Variants in JPH4 observed in about 807,000 individuals in gnomAD.
JPH4 encodes junctophilin 4.
In JPH4, 18 loss-of-function variants were observed where a neutral mutation model predicts 57.6. The observed-to-expected ratio is 0.31, with a 90% CI of 0.22 to 0.46. JPH4 has a LOEUF of 0.46. Ranked by LOEUF, JPH4 falls within the 20% of genes least tolerant of loss-of-function variation. The pLI is 1.00. For missense variants in JPH4, 727 were observed against 911.1 expected (o/e 0.80, Z 2.60); for synonymous variants, 425 against 406.6 (o/e 1.05, Z -0.54).
At position 23,569,805 on chromosome 14, in the gene JPH4, T is replaced by C. The variant is rs1889049987; in HGVS notation, c.1804-88A>G. 2 of 800,504 alleles carry C rather than the reference T, an allele frequency of 2.5e-6. No individual in the cohort carries two copies. Among genetic ancestry groups the C allele is most frequent in the South Asian group, 3.5e-5 (2 of 56,946 alleles). 49.6% of individuals were successfully genotyped at this position (800,504 alleles called of 1,614,324 possible). ...ACTGAGGTGGCAGAGCTGAAGGGTC[T>C]CAGGCACCTCCCTGCACAGCCTGGA... On this transcript the variant is annotated intron_variant, in intron 5 of 5. Transcript: ENST00000356300. The surrounding 1 kb of genome is among the most constrained non-coding windows in gnomAD (Gnocchi z 4.8).
Position 23,577,449 on chromosome 14 carries a change from G to T in JPH4, c.5C>A (p.Ser2Tyr). M[S>Y]PGGKFDFDDG... Reference sequence around the variant, plus strand: ...GTCAAAGTCGAACTTGCCCCCGGGGGACATGCATGTAGTTGGCGCGGCCTC... The same window carrying T: ...GTCAAAGTCGAACTTGCCCCCGGGGTACATGCATGTAGTTGGCGCGGCCTC... The change falls in exon 2 of 6, where the codon TCC (serine) becomes TAC (tyrosine). Residue 2 changes from serine to tyrosine, a missense_variant. Ser to Tyr is a moderately radical substitution (Grantham distance 144). Around this residue, in one of 7 missense-constraint regions of JPH4, gnomAD observed 83 missense variants for 135.4 expected, o/e 0.61. Transcript: ENST00000356300. The surrounding 1 kb of genome is among the most constrained non-coding windows in gnomAD (Gnocchi z 8.4). 1.4e-6 allele frequency: 2 copies of T among 1,429,692 alleles called. No homozygotes were observed. The highest frequency in any genetic ancestry group is 2.8e-5 in the East Asian group (1 of 36,276). The allele number at this position is 1,429,692 out of a possible 1,614,324, so 88.6% of individuals were successfully genotyped here. A position where few individuals can be genotyped will look rare whatever the true frequency, so the allele number is the denominator to read the frequency against.
intron 1 of JPH4, 107 bp downstream of exon 1, chr14:23,578,073 G>T (rs1889320401): frequency 1.9e-5 from 2 of 105,910 alleles, no homozygotes; most frequent in African/African-American, 3.6e-5. Context: ...TTTTCGGGGG[G>T]TTTTTCGGGG....
rs773808031 is a variant in JPH4, at chr14:23,571,963, T to C, written c.1152-43A>G. 6.4e-7 allele frequency: 1 copy of C among 1,561,618 alleles called. No homozygotes were observed. Among genetic ancestry groups the C allele is most frequent in the Non-Finnish European group, 8.8e-7 (1 of 1,140,584 alleles). The stretch of plus-strand genomic sequence containing the variant: ...AGGGATTTAGCAGAACTTCCCCCAC[T>C]TCAAGTTAGTCCCTGCTCAGATGCT... On this transcript the variant is annotated intron_variant, in intron 3 of 5. Transcript: ENST00000356300. The surrounding 1 kb of genome is among the most constrained non-coding windows in gnomAD (Gnocchi z 4.6).
chr14:23,570,515 G>T (rs1889099220), intron 5 of JPH4, among the ~76,000 whole-genome samples: 1 of 151,988 alleles, frequency 6.6e-6, no homozygotes, highest in Non-Finnish European at 1.5e-5. Flanking sequence ...GGGACTACAG[G>T]CGCCCGCCAC....
In JPH4 at chr14:23,575,514, C is replaced by G. The variant is rs2139471842; in HGVS notation, c.1151+171G>C. On this transcript the variant is annotated intron_variant, in intron 3 of 5. Coordinates refer to ENST00000356300, the MANE Select transcript of JPH4 (RefSeq NM_001146028.2). This position sits in a 1 kb window ranked among gnomAD's most constrained non-coding sequence, Gnocchi z 6.9. Reference sequence around the variant, plus strand: ...GAGTTACACCCACATCCACCTGTAGCCTCGGATATAAACACCAAGAATGCC... The same window carrying G: ...GAGTTACACCCACATCCACCTGTAGGCTCGGATATAAACACCAAGAATGCC... 1 of 766,652 alleles carries G rather than the reference C, an allele frequency of 1.3e-6. No individual in the cohort carries two copies. The highest frequency in any genetic ancestry group is 2.7e-5 in the East Asian group (1 of 36,900). The allele number at this position is 766,652 out of a possible 1,614,324, so 47.5% of individuals were successfully genotyped here.
chr14:23,570,472 C>T (rs569660092), intron 5 of JPH4, among the ~76,000 whole-genome samples: 71 of 150,984 alleles, frequency 4.7e-4, no homozygotes, highest in African/African-American at 1.6e-3. Context: ...CCCGGGTTCA[C>T]GCCATTCTCC....
Position 23,575,987 on chromosome 14 carries a change from C to G in JPH4, c.849G>C (p.Ala283=). 1 of 1,500,272 alleles carries G rather than the reference C, an allele frequency of 6.7e-7. No homozygotes were observed. The highest frequency in any genetic ancestry group is 8.8e-7 in the Non-Finnish European group (1 of 1,135,932). 92.9% of individuals were successfully genotyped at this position (1,500,272 alleles called of 1,614,324 possible). A position where few individuals can be genotyped will look rare whatever the true frequency, so the allele number is the denominator to read the frequency against. The change falls in exon 3 of 6, where the codon GCG becomes GCC. Residue 283 remains alanine, a synonymous_variant. Coordinates refer to ENST00000356300, the MANE Select transcript of JPH4 (RefSeq NM_001146028.2). This position sits in a 1 kb window ranked among gnomAD's most constrained non-coding sequence, Gnocchi z 6.9. ...TGCGCCGATCTGCGCGCCACTCGCC[C>G]GCGTACACCTCTGTGGCCGAGCCCT... ...LIEGSATEVY[A]GEWRADRRSG...
At chr14:23,570,203 A>G (rs1394847398) in intron 5 of JPH4, among the ~76,000 whole-genome samples, 2 of 142,630 alleles carry the variant, frequency 1.4e-5, no homozygotes, top group African/African-American at 2.6e-5. Context: ...TAGGGAGGGA[A>G]CAATCTTTTC....
Position 23,576,439 on chromosome 14 carries a change from A to T in JPH4, c.397T>A (p.Trp133Arg). 6.9e-7 allele frequency: 1 copy of T among 1,447,042 alleles called. No homozygotes were observed. The highest frequency in any genetic ancestry group is 2.9e-5 in the East Asian group (1 of 34,776). The allele number at this position is 1,447,042 out of a possible 1,614,324, so 89.6% of individuals were successfully genotyped here. A position where few individuals can be genotyped will look rare whatever the true frequency, so the allele number is the denominator to read the frequency against. ...TAGCCGTGGCGCTTCCCGGCCTGCCACTGGCCCTGGTAGGTGCCTGCGGGC... is the reference window on the plus strand; with the variant it reads ...TAGCCGTGGCGCTTCCCGGCCTGCCTCTGGCCCTGGTAGGTGCCTGCGGGC... ...YSDGGTYQGQWQAGKRHGYGV... is the reference protein window; with the variant it reads ...YSDGGTYQGQRQAGKRHGYGV... The change falls in exon 3 of 6, where the codon TGG becomes AGG. Residue 133 changes from tryptophan (W) to arginine (R), a missense_variant. This residue lies in a region of JPH4 where 90 missense variants were observed against 88.1 expected (regional missense o/e 1.02). Coordinates refer to ENST00000356300, the MANE Select transcript of JPH4 (RefSeq NM_001146028.2). The surrounding 1 kb of genome is among the most constrained non-coding windows in gnomAD (Gnocchi z 8.0).
Position 23,577,173 on chromosome 14 carries a change from C to G in JPH4, c.281G>C (p.Arg94Pro). The change falls in exon 2 of 6, where the codon CGC (arginine) becomes CCC (proline). Residue 94 changes from arginine (R) to proline (P), a missense_variant. By Grantham distance (103) the Arg-to-Pro change is moderately radical. Around this residue, in one of 7 missense-constraint regions of JPH4, gnomAD observed 90 missense variants for 88.1 expected, o/e 1.02. Coordinates refer to ENST00000356300, the MANE Select transcript of JPH4 (RefSeq NM_001146028.2). The surrounding 1 kb of genome is among the most constrained non-coding windows in gnomAD (Gnocchi z 8.4). ...GGACACGCTTTCCCACACGCCGCTGCGCCCCTTCAGCCCGCCCAGCCACTC... is the reference window on the plus strand; with the variant it reads ...GGACACGCTTTCCCACACGCCGCTGGGCCCCTTCAGCCCGCCCAGCCACTC... The part of the protein sequence containing the change: ...RGEWLGGLKG[R>P]SGVWESVSGL... 1 of 1,536,296 alleles carries G rather than the reference C, an allele frequency of 6.5e-7. No homozygotes were observed. Among genetic ancestry groups the G allele is most frequent in the Non-Finnish European group, 8.7e-7 (1 of 1,146,724 alleles).
rs940427494 is a variant in JPH4, at chr14:23,573,985, C to T, written c.1151+1700G>A. On this transcript the variant is annotated intron_variant, in intron 3 of 5. Coordinates refer to ENST00000356300, the MANE Select transcript of JPH4 (RefSeq NM_001146028.2). ...ACACACACACGCACTCTCACTGTGTCACCCATTATACAAACTCATTTAAGC... is the reference window on the plus strand; with the variant it reads ...ACACACACACGCACTCTCACTGTGTTACCCATTATACAAACTCATTTAAGC... Among the ~76,000 whole-genome samples, 95 of 151,790 alleles carry T rather than the reference C, an allele frequency of 6.3e-4. 1 individual carries two copies. The highest frequency in any genetic ancestry group is 7.4e-4 in the Non-Finnish European group (50 of 67,960).
Position 23,569,271 on chromosome 14 carries a change from T to C in JPH4, c.*363A>G. The C allele has an allele frequency of 3.5e-6, 1 of 285,490 alleles. No homozygotes were observed. The highest frequency in any genetic ancestry group is 6.8e-6 in the Non-Finnish European group (1 of 147,562). 17.7% of individuals were successfully genotyped at this position (285,490 alleles called of 1,614,324 possible). A position where few individuals can be genotyped will look rare whatever the true frequency, so the allele number is the denominator to read the frequency against. ...CACCAAACCCCCACCCGCAGCGAAGTTGAGGTCTAAAGAAAAGGTGGGAGG... is the reference window on the plus strand; with the variant it reads ...CACCAAACCCCCACCCGCAGCGAAGCTGAGGTCTAAAGAAAAGGTGGGAGG... On this transcript the variant is annotated 3_prime_UTR_variant, in exon 6 of 6. Transcript: ENST00000356300. The surrounding 1 kb of genome is among the most constrained non-coding windows in gnomAD (Gnocchi z 4.8).
chr14:23,576,308 G>C lies in JPH4; in HGVS notation c.528C>G (p.Pro176=), dbSNP rs1438756179. 2 of 1,286,520 alleles carry C rather than the reference G, an allele frequency of 1.6e-6. No individual in the cohort carries two copies. Among genetic ancestry groups the C allele is most frequent in the Non-Finnish European group, 2.0e-6 (2 of 1,018,902 alleles). 79.7% of individuals were successfully genotyped at this position (1,286,520 alleles called of 1,614,324 possible). A position where few individuals can be genotyped will look rare whatever the true frequency, so the allele number is the denominator to read the frequency against. Residue 176 remains proline, a synonymous_variant, in exon 3 of 6, where the codon CCC becomes CCG. Transcript: ENST00000356300. The surrounding 1 kb of genome is among the most constrained non-coding windows in gnomAD (Gnocchi z 8.0). ...GHSDPPTPPP[P]LPLPGDEGGS... ...CTCCCTCGTCGCCCGGCAAGGGCAG[G>C]GGCGGGGGTGGCGTCGGGGGGTCGC...
intron 3 of JPH4, among the ~76,000 whole-genome samples, chr14:23,574,281 T>C (rs1235422925): frequency 1.3e-5 from 2 of 151,980 alleles, no homozygotes; most frequent in African/African-American, 2.4e-5. Flanking sequence ...TTCAAGTGAT[T>C]CTCCTGCCTC....
chr14:23,568,766 A>T lies in JPH4; in HGVS notation c.*868T>A. The T allele has an allele frequency of 1.0e-6, 1 of 985,636 alleles. No homozygotes were observed. 61.1% of individuals were successfully genotyped at this position (985,636 alleles called of 1,614,324 possible). A position where few individuals can be genotyped will look rare whatever the true frequency, so the allele number is the denominator to read the frequency against. On this transcript the variant is annotated 3_prime_UTR_variant, in exon 6 of 6. Transcript: ENST00000356300. ...CTTCAGGCCCCTTAGGAATTTAATC[A>T]AAGGCCACAAGTGAGTCCAGACCAA...
chr14:23,570,429 T>TGGCGCGATGG (rs1448376240), intron 5 of JPH4, among the ~76,000 whole-genome samples: 1 of 146,468 alleles, frequency 6.8e-6, no homozygotes, highest in Non-Finnish European at 1.5e-5. Flanking sequence ...TAGAGTGCAG[T>TGGCGCGATGG]GGCGCGATCT....
At chr14:23,574,417 C>T (rs1161929541) in intron 3 of JPH4, among the ~76,000 whole-genome samples, 1 of 151,954 alleles carries the variant, frequency 6.6e-6, no homozygotes, top group African/African-American at 2.4e-5. Context: ...GGTGATCCAC[C>T]CACCTCGGCC....
chr14:23,574,507 C>T (rs917944695), intron 3 of JPH4, among the ~76,000 whole-genome samples: 1 of 152,170 alleles, frequency 6.6e-6, no homozygotes, highest in African/African-American at 2.4e-5. Context: ...TCAGTAGTTA[C>T]AAACCATATG....
At position 23,569,381 on chromosome 14, in the gene JPH4, A is replaced by G. The variant is rs547932435; in HGVS notation, c.*253T>C. ...GAGAAAAGCCCTTCATATGTAAACA[A>G]TCTAGAGAAAGAAGGGGTTGGGATG... On this transcript the variant is annotated 3_prime_UTR_variant, in exon 6 of 6. Coordinates refer to ENST00000356300, the MANE Select transcript of JPH4 (RefSeq NM_001146028.2). The surrounding 1 kb of genome is among the most constrained non-coding windows in gnomAD (Gnocchi z 4.8). The G allele has an allele frequency of 8.9e-5, 43 of 485,540 alleles. No homozygotes were observed. The highest frequency in any genetic ancestry group is 3.3e-4 in the African/African-American group (17 of 51,082). 30.1% of individuals were successfully genotyped at this position (485,540 alleles called of 1,614,324 possible).
Sources: allele counts gnomAD v4.1 joint callset (sites outside exome capture counted in the v4.1 genomes callset), GRCh38; gene constraint gnomAD v4.1.1; regional missense constraint gnomAD v4.1.1; non-coding constraint Gnocchi (gnomAD v3.1); transcripts MANE v1.5; gene names NCBI Gene and HGNC (gene_info 2026-07-23, HGNC 2026-07-21).